TACR1: variants seen among roughly 807,000 people sequenced by gnomAD.
The protein encoded by TACR1 is tachykinin receptor 1.
Under a neutral mutation model 35.8 loss-of-function variants are expected in TACR1, and 25 were observed. That is an observed-to-expected ratio of 0.70 (90% CI 0.51 to 0.98). The LOEUF (loss-of-function observed/expected upper bound fraction) is 0.98, where lower values mean the gene tolerates loss of function less well. TACR1 is among the 50% of genes least tolerant of loss of function. The pLI, the probability that TACR1 is intolerant of heterozygous loss-of-function variation, is 0.00. For synonymous variants in TACR1, 195 were observed against 206.7 expected (o/e 0.94, Z 0.48); for missense variants, 478 against 522.9 (o/e 0.91, Z 0.84).
chr2:75,097,296 G>C (rs1673443034), intron 2 of TACR1, among the ~76,000 whole-genome samples: 1 of 151,996 alleles, frequency 6.6e-6, no homozygotes, highest in Non-Finnish European at 1.5e-5. Context: ...GTTCTACAAT[G>C]AAGGAACTAG....
intron 2 of TACR1, among the ~76,000 whole-genome samples, chr2:75,064,815 A>G (rs1455155628): frequency 1.3e-5 from 2 of 152,240 alleles, no homozygotes; most frequent in Non-Finnish European, 1.5e-5. Context: ...CTTTGAGGAA[A>G]TAAAGGAGAG....
chr2:75,152,920 G>A (rs1674706482), intron 1 of TACR1, among the ~76,000 whole-genome samples: 1 of 152,188 alleles, frequency 6.6e-6, no homozygotes, highest in South Asian at 2.1e-4. Context: ...TTGGTATTTT[G>A]TGAGACGGAG....
At chr2:75,068,184 C>T (rs541192113) in intron 2 of TACR1, among the ~76,000 whole-genome samples, 1 of 151,538 alleles carries the variant, frequency 6.6e-6, no homozygotes, top group South Asian at 2.1e-4. Flanking sequence ...GCAAGTTTAA[C>T]ATTTGCAAGG....
intron 3 of TACR1, among the ~76,000 whole-genome samples, chr2:75,053,349 T>C (rs189631696): frequency 2.6e-3 from 390 of 152,226 alleles, no homozygotes; most frequent in African/African-American, 9.0e-3. Flanking sequence ...TATTTAAGTG[T>C]GCGTGTGTGT....
chr2:75,151,850 T>TGGAGCTGCCCAAGACCATGGGA (rs1674680329), intron 1 of TACR1, among the ~76,000 whole-genome samples: 1 of 150,976 alleles, frequency 6.6e-6, no homozygotes, highest in Non-Finnish European at 1.5e-5. Flanking sequence ...GCCACAGGCA[T>TGGAGCTGCCCAAGACCATGGGA]GGAGCTGCCC....
chr2:75,154,401 A>AGCGCGCGTGCGCGCGCGCGCGC (rs142809732), intron 1 of TACR1: 1 of 76,444 alleles, frequency 1.3e-5, no homozygotes, highest in African/African-American at 5.8e-5. Context: ...ATCAGCCAAG[A>AGCGCGCGTGCGCGCGCGCGCGC]GCGCGCACGC....
At position 75,049,318 on chromosome 2, in the gene TACR1, T is replaced by C. The variant is rs202220450; in HGVS notation, c.*114A>G. 1.7e-5 allele frequency: 21 copies of C among 1,219,268 alleles called. No individual in the cohort carries two copies. The highest frequency in any genetic ancestry group is 2.4e-5 in the Non-Finnish European group (21 of 876,730). 75.5% of individuals were successfully genotyped at this position (1,219,268 alleles called of 1,614,324 possible). A position where few individuals can be genotyped will look rare whatever the true frequency, so the allele number is the denominator to read the frequency against. On this transcript the variant is annotated 3_prime_UTR_variant, in exon 5 of 5. Transcript: ENST00000305249. ...TTTCCCTAACCCATACTGACCCTTT[T>C]TGCAAGTCCCAGTGTGAGGGTGTTT... is the stretch of plus-strand genomic sequence containing the variant.
intron 2 of TACR1, among the ~76,000 whole-genome samples, chr2:75,091,660 C>G (rs1019508463): frequency 2.0e-5 from 3 of 152,192 alleles, no homozygotes; most frequent in African/African-American, 7.2e-5. Context: ...GTGTCTTCTA[C>G]TTTTTCATAT....
intron 1 of TACR1, among the ~76,000 whole-genome samples, chr2:75,148,532 T>A (rs1256642940): frequency 6.6e-6 from 1 of 152,234 alleles, no homozygotes; most frequent in Non-Finnish European, 1.5e-5. Flanking sequence ...TTGAGAAGTG[T>A]TTGTTTATAT....
rs191293745 is a variant in TACR1, at chr2:75,143,664, C to T, written c.390-22896G>A. Among the ~76,000 whole-genome samples, 73 of 152,320 alleles carry T rather than the reference C, an allele frequency of 4.8e-4. 1 individual carries two copies. The highest frequency in any genetic ancestry group is 9.1e-4 in the Admixed American group (14 of 15,310). ...GCACAGGGAAGATTACTAACTCCAA[C>T]GGTCTCATGACTAGTGATATTAGGT... On this transcript the variant is annotated intron_variant, in intron 1 of 4. Coordinates refer to ENST00000305249, the MANE Select transcript of TACR1 (RefSeq NM_001058.4).
At chr2:75,184,130 G>T (rs1234490555) in intron 1 of TACR1, among the ~76,000 whole-genome samples, 2 of 152,158 alleles carry the variant, frequency 1.3e-5, no homozygotes, top group Non-Finnish European at 2.9e-5. Context: ...CTAATAGTGT[G>T]CTAAAAGGAC....
At chr2:75,193,777 C>T (rs753142189) in intron 1 of TACR1, among the ~76,000 whole-genome samples, 3 of 152,150 alleles carry the variant, frequency 2.0e-5, no homozygotes, top group East Asian at 1.9e-4. Flanking sequence ...CCTCTTGTCT[C>T]CTATGGAATA....
chr2:75,140,615 C>T (rs971666244), intron 1 of TACR1, among the ~76,000 whole-genome samples: 1 of 152,184 alleles, frequency 6.6e-6, no homozygotes, highest in Admixed American at 6.5e-5. Flanking sequence ...AGAAGCCCTC[C>T]TTGAGGCCTT....
At chr2:75,163,098 C>T (rs941237952) in intron 1 of TACR1, among the ~76,000 whole-genome samples, 23 of 152,198 alleles carry the variant, frequency 1.5e-4, no homozygotes, top group Admixed American at 4.6e-4. Flanking sequence ...CCCTCTTACC[C>T]AGTCATGGCA....
chr2:75,124,106 T>C (rs1476574519), intron 1 of TACR1, among the ~76,000 whole-genome samples: 2 of 152,230 alleles, frequency 1.3e-5, no homozygotes, highest in African/African-American at 4.8e-5. Flanking sequence ...ATATGGATTA[T>C]GTTCTTTACT....
At chr2:75,059,838 C>G (rs557266302) in intron 2 of TACR1, among the ~76,000 whole-genome samples, 14 of 152,264 alleles carry the variant, frequency 9.2e-5, no homozygotes, top group Admixed American at 6.5e-4. Context: ...CTCAAATGTC[C>G]TTCAGGCTTT....
intron 3 of TACR1, 89 bp from the exon 4 acceptor site, chr2:75,051,536 C>T (rs1362281770): frequency 1.3e-6 from 2 of 1,567,186 alleles, no homozygotes; most frequent in African/African-American, 2.7e-5. Flanking sequence ...TCACTGTGCA[C>T]AGTATGGGAT....
chr2:75,167,733 T>C (rs1461897041), intron 1 of TACR1, among the ~76,000 whole-genome samples: 1 of 152,170 alleles, frequency 6.6e-6, no homozygotes, highest in African/African-American at 2.4e-5. Context: ...TGTAGAACTC[T>C]GAATGTCAAA....
chr2:75,071,755 A>G (rs1672887648), intron 2 of TACR1, among the ~76,000 whole-genome samples: 1 of 152,176 alleles, frequency 6.6e-6, no homozygotes, highest in Non-Finnish European at 1.5e-5. Flanking sequence ...CCCAACCTTA[A>G]TTCTTACTAC....
Sources: gnomAD v4.1 joint callset for allele counts (sites outside exome capture counted in the v4.1 genomes callset) on GRCh38, gnomAD v4.1.1 for gene constraint, MANE v1.5 for transcripts, NCBI Gene and HGNC (gene_info 2026-07-23, HGNC 2026-07-21) for gene names.